EYS: variants seen among roughly 807,000 people sequenced by gnomAD.
EYS encodes EGF-like photoreceptor maintenance factor, also known as protein eyes shut homolog.
In EYS, 250 loss-of-function variants were observed where a neutral mutation model predicts 282.1. That is an observed-to-expected ratio of 0.89 (90% CI 0.80 to 0.98). The LOEUF (loss-of-function observed/expected upper bound fraction) is 0.98. Ranked by LOEUF, EYS falls within the 50% of genes least tolerant of loss-of-function variation. The probability of loss-of-function intolerance (pLI) is 0.00; values close to 1 mark genes in which losing one functional copy is unlikely to be tolerated. For missense variants in EYS, 4,016 were observed against 3,709.0 expected, an observed-to-expected ratio of 1.08 and a Z score of -2.15; for synonymous variants, 1,355 against 1,282.9, an observed-to-expected ratio of 1.06 and a Z score of -1.20.
chr6:65,346,668 G>A (rs945183759), intron 9 of EYS, among the ~76,000 whole-genome samples: 1 of 151,610 alleles, frequency 6.6e-6, no homozygotes, highest in Non-Finnish European at 1.5e-5. Flanking sequence ...CAGGAAAAAG[G>A]ACTTTTTAGG....
In EYS at chr6:64,518,044, C is replaced by G. The variant is rs574889199; in HGVS notation, c.5644+72179G>C. 9.9e-5 allele frequency among the ~76,000 whole-genome samples: 15 copies of G among 151,936 alleles called. No homozygotes were observed. In the South Asian group the frequency reaches 3.1e-3, roughly 31 times the overall value. On this transcript the variant is annotated intron_variant, in intron 26 of 42. Coordinates refer to ENST00000503581, the MANE Select transcript of EYS (RefSeq NM_001142800.2). ...GAAGCAAAGATGCAAAAGTGCCCTACAAGGCTGGCCTCATTTCAAACGTTT... is the reference window on the plus strand; with the variant it reads ...GAAGCAAAGATGCAAAAGTGCCCTAGAAGGCTGGCCTCATTTCAAACGTTT...
chr6:64,549,883 C>T (rs1008899347), intron 26 of EYS, among the ~76,000 whole-genome samples: 2 of 152,088 alleles, frequency 1.3e-5, no homozygotes, highest in Admixed American at 6.6e-5. Context: ...CTATCCCTCC[C>T]TCCTCCCCCT....
At chr6:65,151,771 T>C (rs1005581936) in intron 12 of EYS, among the ~76,000 whole-genome samples, 1 of 152,022 alleles carries the variant, frequency 6.6e-6, no homozygotes, top group African/African-American at 2.4e-5. Flanking sequence ...ATACATTATA[T>C]TTTTCTTATT....
At chr6:64,505,712 C>G (rs983091048) in intron 26 of EYS, among the ~76,000 whole-genome samples, 16 of 152,192 alleles carry the variant, frequency 1.1e-4, no homozygotes, top group African/African-American at 3.9e-4. Context: ...CAATTAAACT[C>G]TTTAACCTTC....
At chr6:64,985,846 T>C (rs1229926400) in intron 14 of EYS, among the ~76,000 whole-genome samples, 2 of 151,392 alleles carry the variant, frequency 1.3e-5, no homozygotes, top group Non-Finnish European at 3.0e-5. Flanking sequence ...AAGATTTGTA[T>C]AAAAACTAAC....
intron 36 of EYS, among the ~76,000 whole-genome samples, chr6:63,849,081 C>T (rs558256652): frequency 1.3e-5 from 2 of 152,326 alleles, no homozygotes; most frequent in Admixed American, 1.3e-4. Flanking sequence ...GAAGTTCAGA[C>T]TAGGCGGAGC....
chr6:63,975,728 G>T (rs1422405706), intron 35 of EYS, among the ~76,000 whole-genome samples: 1 of 151,970 alleles, frequency 6.6e-6, no homozygotes, highest in Non-Finnish European at 1.5e-5. Context: ...CAAAAGGAGA[G>T]TTGTGTGTTC....
At chr6:64,249,568 G>A (rs1472744913) in intron 30 of EYS, among the ~76,000 whole-genome samples, 1 of 152,106 alleles carries the variant, frequency 6.6e-6, no homozygotes, top group Non-Finnish European at 1.5e-5. Flanking sequence ...TGAGTTTAAG[G>A]AACAGACTAC....
chr6:63,824,076 G>T (rs1343557765), intron 36 of EYS, among the ~76,000 whole-genome samples: 1 of 152,160 alleles, frequency 6.6e-6, no homozygotes, highest in East Asian at 1.9e-4. Flanking sequence ...ATTGGAGTTG[G>T]AAATAAAGGA....
intron 12 of EYS, among the ~76,000 whole-genome samples, chr6:65,148,415 A>T (rs1000700583): frequency 6.6e-6 from 1 of 152,100 alleles, no homozygotes; most frequent in Non-Finnish European, 1.5e-5. Context: ...TTCCAAAATG[A>T]TCTCCTTTGA....
chr6:65,403,333 A>G (rs996066121), intron 6 of EYS, among the ~76,000 whole-genome samples: 4 of 152,162 alleles, frequency 2.6e-5, no homozygotes, highest in African/African-American at 9.6e-5. Context: ...CATTCAAAAT[A>G]CAACCTAATC....
intron 12 of EYS, among the ~76,000 whole-genome samples, chr6:65,193,139 T>C (rs749009967): frequency 3.8e-4 from 58 of 151,896 alleles, no homozygotes; most frequent in Non-Finnish European, 2.4e-4. Context: ...GGGTAGGAAG[T>C]AGAATAAATC....
chr6:64,703,825 A>C (rs1352724778), intron 22 of EYS, among the ~76,000 whole-genome samples: 1 of 152,226 alleles, frequency 6.6e-6, no homozygotes, highest in Non-Finnish European at 1.5e-5. Flanking sequence ...GTATATGTGG[A>C]TAACTATTCT....
intron 35 of EYS, among the ~76,000 whole-genome samples, chr6:63,921,011 G>A (rs1764556491): frequency 6.6e-6 from 1 of 152,024 alleles, no homozygotes. Flanking sequence ...TCCTGCCTCA[G>A]CGTCCTGAGT....
chr6:65,418,867 G>C (rs1167948045), intron 5 of EYS, among the ~76,000 whole-genome samples: 6 of 152,054 alleles, frequency 3.9e-5, no homozygotes, highest in Non-Finnish European at 1.5e-5. Context: ...AATACTAAAA[G>C]TATGGTCTCA....
At chr6:65,668,312 A>G (rs1768268852) in intron 1 of EYS, among the ~76,000 whole-genome samples, 1 of 151,886 alleles carries the variant, frequency 6.6e-6, no homozygotes, top group Non-Finnish European at 1.5e-5. Context: ...GTTTTTTAAA[A>G]TATCTTTCAA....
intron 26 of EYS, among the ~76,000 whole-genome samples, chr6:64,457,376 C>CA (rs1475578371): frequency 1.3e-5 from 2 of 151,900 alleles, no homozygotes; most frequent in African/African-American, 2.4e-5. Flanking sequence ...GTCTTTAGGT[C>CA]CATTTGCTCT....
chr6:65,300,280 G>T (rs560833591), intron 11 of EYS, among the ~76,000 whole-genome samples: 5 of 152,006 alleles, frequency 3.3e-5, no homozygotes, highest in Non-Finnish European at 7.4e-5. Context: ...AGGCTTTACC[G>T]CCTGTCTTCT....
intron 35 of EYS, among the ~76,000 whole-genome samples, chr6:63,937,243 A>C (rs1208308664): frequency 6.6e-6 from 1 of 150,870 alleles, no homozygotes; most frequent in Non-Finnish European, 1.5e-5. Flanking sequence ...GGAGTGAGGC[A>C]AGTGTGGCTG....
Sources: allele counts gnomAD v4.1 joint callset (sites outside exome capture counted in the v4.1 genomes callset), GRCh38; gene constraint gnomAD v4.1.1; transcripts MANE v1.5; gene names NCBI Gene and HGNC (gene_info 2026-07-23, HGNC 2026-07-21).